Variants in PLXNA3 observed in about 807,000 individuals in gnomAD.
The protein encoded by PLXNA3 is plexin A3, also known as plexin-A3.
In PLXNA3, 52 loss-of-function variants were observed where a neutral mutation model predicts 118.8. That is an observed-to-expected ratio of 0.44 (90% CI 0.35 to 0.55). PLXNA3 has a LOEUF of 0.55. Ranked by LOEUF, PLXNA3 falls within the 20% of genes least tolerant of loss-of-function variation. PLXNA3 has a pLI of 0.01. For synonymous variants in PLXNA3, 925 were observed against 762.4 expected (o/e 1.21, Z -3.51); for missense variants, 1,660 against 1,730.8 (o/e 0.96, Z 0.73).
At position 154,461,460 on chromosome X, in the gene PLXNA3, C is replaced by T. The variant is rs1485723054; in HGVS notation, c.956C>T (p.Thr319Ile). 1.2e-5 allele frequency: 14 copies of T among 1,210,796 alleles called. No individual in the cohort carries two copies. The highest frequency in any genetic ancestry group is 1.5e-5 in the Non-Finnish European group (13 of 895,168). ...CCGGCTGATGAGGACGTCCTCTTCA[C>T]CATCTTCTCTCAGGGCCAGAAGAAC... ...GVPADEDVLF[T>I]IFSQGQKNRA... is the part of the protein sequence containing the mutation. Residue 319 changes from threonine to isoleucine, a missense_variant, in exon 3 of 33, where the codon ACC (threonine) becomes ATC (isoleucine). By Grantham distance (89) the Thr-to-Ile change is moderately conservative. Around this residue, in one of 2 missense-constraint regions of PLXNA3, gnomAD observed 791 missense variants for 652.1 expected, o/e 1.21. Coordinates refer to ENST00000369682, the MANE Select transcript of PLXNA3 (RefSeq NM_017514.5).
Position 154,468,928 on chromosome X carries a change from G to T in PLXNA3, c.4393G>T (p.Glu1465Ter). The change falls in exon 25 of 33, where the codon GAG (glutamate) becomes TAG (stop). Residue 1465 changes from glutamate to a stop codon, truncating the protein, a stop_gained. Transcript: ENST00000369682. LOFTEE classifies it high-confidence loss of function. ...GGGCGAGGCACGATACTCCCTGAGCGAGGACAAGCTCATCCGTCAGCAGAT... is the reference window on the plus strand; with the variant it reads ...GGGCGAGGCACGATACTCCCTGAGCTAGGACAAGCTCATCCGTCAGCAGAT... Reference protein sequence around the residue: ...ITGEARYSLSEDKLIRQQIDY... With the variant: ...ITGEARYSLS 1 of 1,211,966 alleles carries T rather than the reference G, an allele frequency of 8.3e-7. No individual in the cohort carries two copies. Among genetic ancestry groups the T allele is most frequent in the Non-Finnish European group, 1.1e-6 (1 of 895,632 alleles).
chrX:154,463,833 C>T (rs995993331), intron 6 of PLXNA3, 118 bp from the exon 7 acceptor site: 114 of 1,015,633 alleles, frequency 1.1e-4, no homozygotes, highest in Non-Finnish European at 1.3e-4. Flanking sequence ...CCCCGAGTGA[C>T]GTCCCTCGGG....
chrX:154,467,376 C>T lies in PLXNA3; in HGVS notation c.3346C>T (p.Arg1116Cys), dbSNP rs781921290. Residue 1116 changes from arginine to cysteine, a missense_variant, in exon 19 of 33, where the codon CGC becomes TGC. By Grantham distance (180) the Arg-to-Cys change is radical. Around this residue, in one of 2 missense-constraint regions of PLXNA3, gnomAD observed 869 missense variants for 1,078.7 expected, o/e 0.81. Coordinates refer to ENST00000369682, the MANE Select transcript of PLXNA3 (RefSeq NM_017514.5). ...CGTGCAAACGGCCCGCTCCCTCAAC[C>T]GCTCCTCCTTTACCTACTACCCTGA... ...DHVQTARSLN[R>C]SSFTYYPDPS... 49 of 1,202,410 alleles carry T rather than the reference C, an allele frequency of 4.1e-5. No homozygotes were observed. The highest frequency in any genetic ancestry group is 5.3e-5 in the Non-Finnish European group (47 of 895,023).
Position 154,476,925 on chromosome X carries a change from A to G in PLXNA3, c.*4240A>G, listed in dbSNP as rs1018961634. 8.9e-6 allele frequency: 1 copy of G among 111,858 alleles called. No individual in the cohort carries two copies. The highest frequency in any genetic ancestry group is 1.9e-5 in the Non-Finnish European group (1 of 53,157). 9.2% of individuals were successfully genotyped at this position (111,858 alleles called of 1,213,427 possible). A position where few individuals can be genotyped will look rare whatever the true frequency, so the allele number is the denominator to read the frequency against. On this transcript the variant is annotated 3_prime_UTR_variant, in exon 33 of 33. Transcript: ENST00000369682. ...GCTGGAGTTTGCAGGGCGGAGAACC[A>G]GAGAGAAGAGAGCTGCACAGGGAAA...
chrX:154,466,705 C>A lies in PLXNA3; in HGVS notation c.3019C>A (p.Arg1007=). The change falls in exon 17 of 33, where the codon CGG becomes AGG. Residue 1007 remains arginine, a synonymous_variant. Coordinates refer to ENST00000369682, the MANE Select transcript of PLXNA3 (RefSeq NM_017514.5). ...GGCCCCCATCACACTTGCCATTGAC[C>A]GGGCTAACATCTCCAGCCCCGGGCT... ...SQAPITLAID[R]ANISSPGLIY... 8.3e-7 allele frequency: 1 copy of A among 1,198,830 alleles called. No homozygotes were observed. The highest frequency in any genetic ancestry group is 1.1e-6 in the Non-Finnish European group (1 of 888,715).
rs368835540 is a variant in PLXNA3, at chrX:154,469,265, C to T, written c.4594+50C>T. 6.4e-5 allele frequency: 75 copies of T among 1,173,237 alleles called. No homozygotes were observed. In the Middle Eastern group the frequency reaches 7.1e-4, roughly 11 times the overall value. On this transcript the variant is annotated intron_variant, in intron 26 of 32. Transcript: ENST00000369682. ...GGCTCCCACTCATACCCTCCTGTGC[C>T]GTGTGACCTCCGTGGGCTCTCCCGC...
chrX:154,469,339 G>A, intron 26 of PLXNA3, 40 bp from the exon 27 acceptor site: 1 of 1,170,395 alleles, frequency 8.5e-7, no homozygotes, highest in Non-Finnish European at 1.2e-6. Context: ...GGCACTTGGG[G>A]GCTGCCAGCA....
chrX:154,472,151 G>T (rs1355529521), intron 32 of PLXNA3, among the ~76,000 whole-genome samples: 2 of 111,261 alleles, frequency 1.8e-5, no homozygotes, highest in African/African-American at 6.6e-5. Flanking sequence ...GCGCCTGGTG[G>T]GGTCTGGCAA....
Position 154,466,104 on chromosome X carries a change from C to A in PLXNA3, c.2678+24C>A, listed in dbSNP as rs369298396. ...AGGTGAGTGCGGCTCTGTGGGTGCCCGGGCCGTATGTGGCCTGGCCGGCCC... is the reference window on the plus strand; with the variant it reads ...AGGTGAGTGCGGCTCTGTGGGTGCCAGGGCCGTATGTGGCCTGGCCGGCCC... On this transcript the variant is annotated intron_variant, in intron 14 of 32. Coordinates refer to ENST00000369682, the MANE Select transcript of PLXNA3 (RefSeq NM_017514.5). 108 of 1,207,905 alleles carry A rather than the reference C, an allele frequency of 8.9e-5. No individual in the cohort carries two copies. In the African/African-American group the frequency reaches 1.9e-3, roughly 21 times the overall value.
Position 154,469,385 on chromosome X carries a change from G to T in PLXNA3, c.4601G>T (p.Arg1534Leu). 3 of 1,207,507 alleles carry T rather than the reference G, an allele frequency of 2.5e-6. No individual in the cohort carries two copies. The highest frequency in any genetic ancestry group is 3.0e-5 in the East Asian group (1 of 33,842). ...GGCTGTCTGTGGCCCACAGAGTGGC[G>T]CCAGGGCCGCATGACTCGCATCATC... ...PKAEDMDLEW[R>L]QGRMTRIILQ... The change falls in exon 27 of 33, where the codon CGC becomes CTC. Residue 1534 changes from arginine to leucine, a missense_variant. By Grantham distance (102) the Arg-to-Leu change is moderately radical (BLOSUM62 -2). Transcript: ENST00000369682.
At position 154,460,563 on chromosome X, in the gene PLXNA3, A is replaced by T. The variant is rs782328308; in HGVS notation, c.380A>T (p.Asp127Val). 8.3e-7 allele frequency: 1 copy of T among 1,207,474 alleles called. No homozygotes were observed. Among genetic ancestry groups the T allele is most frequent in the East Asian group, 3.0e-5 (1 of 33,733 alleles). The change falls in exon 2 of 33, where the codon GAC becomes GTC. Residue 127 changes from aspartate (D) to valine (V), a missense_variant. Asp to Val is a radical substitution (Grantham distance 152, BLOSUM62 -3). Transcript: ENST00000369682. ...QGICQFLRLD[D>V]LFKLGEPHHR... ...ATCTGCCAGTTCCTGCGTCTGGACGACCTCTTCAAGCTGGGTGAGCCGCAC... is the reference window on the plus strand; with the variant it reads ...ATCTGCCAGTTCCTGCGTCTGGACGTCCTCTTCAAGCTGGGTGAGCCGCAC...
rs1457093377 is a variant in PLXNA3, at chrX:154,471,195, G to T, written c.5247G>T (p.Ser1749=). 1.7e-6 allele frequency: 2 copies of T among 1,210,964 alleles called. No individual in the cohort carries two copies. Among genetic ancestry groups the T allele is most frequent in the Non-Finnish European group, 2.2e-6 (2 of 894,583 alleles). ...ACAGCATCACGGATGCCTGCCTGTC[G>T]GTGGTAGCCCAGACCTTCATGGACT... is the stretch of plus-strand genomic sequence containing the variant. ...HKNSITDACL[S]VVAQTFMDSC... is the part of the protein sequence containing the mutation. Residue 1749 remains serine, a synonymous_variant, in exon 31 of 33, where the codon TCG becomes TCT. Coordinates refer to ENST00000369682, the MANE Select transcript of PLXNA3 (RefSeq NM_017514.5).
At chrX:154,471,349 G>T (rs373228368) in intron 31 of PLXNA3, 32 bp downstream of exon 31, 33 of 1,177,143 alleles carry the variant, frequency 2.8e-5, no homozygotes, top group Non-Finnish European at 3.4e-6. Flanking sequence ...GTGGCAGAGG[G>T]CAGGACCTGC....
rs1451333020 is a variant in PLXNA3, at chrX:154,464,236, C to T, written c.1751C>T (p.Ala584Val). The T allele has an allele frequency of 4.1e-6, 5 of 1,206,898 alleles. No homozygotes were observed. The African/African-American group carries it at 7.0e-5, about 17-fold the overall frequency. Reference sequence around the variant, plus strand: ...TTCGAGGCGGCGGCGGAGAACGAGGCGGTCCTGCTGCCCTCCGGTGAACTG... The same window carrying T: ...TTCGAGGCGGCGGCGGAGAACGAGGTGGTCCTGCTGCCCTCCGGTGAACTG... ...CAFEAAAENEAVLLPSGELLC... is the reference protein window; with the variant it reads ...CAFEAAAENEVVLLPSGELLC... The change falls in exon 8 of 33, where the codon GCG (alanine) becomes GTG (valine). Residue 584 changes from alanine (A) to valine (V), a missense_variant. By Grantham distance (64) the Ala-to-Val change is moderately conservative (BLOSUM62 0). This residue lies in a region of PLXNA3 where 791 missense variants were observed against 652.1 expected (regional missense o/e 1.21). Coordinates refer to ENST00000369682, the MANE Select transcript of PLXNA3 (RefSeq NM_017514.5).
Position 154,472,597 on chromosome X carries a change from C to T in PLXNA3, c.5528C>T (p.Thr1843Met), listed in dbSNP as rs782174023. 11 of 1,200,947 alleles carry T rather than the reference C, an allele frequency of 9.2e-6. No homozygotes were observed. The highest frequency in any genetic ancestry group is 3.0e-5 in the East Asian group (1 of 33,711). Residue 1843 changes from threonine to methionine, a missense_variant, in exon 33 of 33, where the codon ACG (threonine) becomes ATG (methionine). Coordinates refer to ENST00000369682, the MANE Select transcript of PLXNA3 (RefSeq NM_017514.5). ...GGGACTCCTCTCCCCCAGATTCTCA[C>T]GGCTCTGGACCGAGATGCCTCTTGT... ...YVTKYRQEILTALDRDASCRK... is the reference protein window; with the variant it reads ...YVTKYRQEILMALDRDASCRK...
Position 154,469,057 on chromosome X carries a change from C to G in PLXNA3, c.4436C>G (p.Thr1479Ser), listed in dbSNP as rs920376093. Residue 1479 changes from threonine to serine, a missense_variant and splice_region_variant, in exon 26 of 33, where the codon ACC (threonine) becomes AGC (serine). Physicochemically the swap from Thr to Ser is moderately conservative, Grantham distance 58. Coordinates refer to ENST00000369682, the MANE Select transcript of PLXNA3 (RefSeq NM_017514.5). ...CACTGGAGTCCGCTTTCCCCTCAGA[C>G]CCTTCACTGCGTGTGTCCGGAGAAC... is the stretch of plus-strand genomic sequence containing the variant. ...IRQQIDYKTL[T>S]LHCVCPENEG... 8 of 1,211,300 alleles carry G rather than the reference C, an allele frequency of 6.6e-6. No homozygotes were observed. Among genetic ancestry groups the G allele is most frequent in the Non-Finnish European group, 8.9e-6 (8 of 895,413 alleles).
At position 154,472,756 on chromosome X, in the gene PLXNA3, CA is replaced by C; in HGVS notation, c.*73del. ...CTCCCATCCAGGGGAGTGGCTGGCT[CA>C]AGCCTGGGTCCCCGGGCTGAGCCCT... is the stretch of plus-strand genomic sequence containing the variant. On this transcript the variant is annotated 3_prime_UTR_variant, in exon 33 of 33. Coordinates refer to ENST00000369682, the MANE Select transcript of PLXNA3 (RefSeq NM_017514.5). 1 of 813,826 alleles carries C rather than the reference CA, an allele frequency of 1.2e-6. No homozygotes were observed. Among genetic ancestry groups the C allele is most frequent in the Non-Finnish European group, 1.9e-6 (1 of 537,390 alleles). 67.1% of individuals were successfully genotyped at this position (813,826 alleles called of 1,213,427 possible). A position where few individuals can be genotyped will look rare whatever the true frequency, so the allele number is the denominator to read the frequency against.
chrX:154,465,347 AG>A, intron 11 of PLXNA3, 76 bp from the exon 12 acceptor site: 2 of 1,032,147 alleles, frequency 1.9e-6, no homozygotes, highest in Non-Finnish European at 2.7e-6. Flanking sequence ...TACCTGGAGG[AG>A]GGGGGCAGCT....
rs144427846 is a variant in PLXNA3, at chrX:154,460,278, C to T, written c.95C>T (p.Thr32Met). The change falls in exon 2 of 33, where the codon ACG becomes ATG. Residue 32 changes from threonine (T) to methionine (M), a missense_variant. Around this residue, in one of 2 missense-constraint regions of PLXNA3, gnomAD observed 791 missense variants for 652.1 expected, o/e 1.21. Transcript: ENST00000369682. ...PFRAFVVTDT[T>M]LTHLAVHRVT... Reference sequence around the variant, plus strand: ...CGTGCCTTCGTGGTGACAGACACCACGCTTACCCACCTGGCTGTGCACCGG... The same window carrying T: ...CGTGCCTTCGTGGTGACAGACACCATGCTTACCCACCTGGCTGTGCACCGG... 63 of 1,207,433 alleles carry T rather than the reference C, an allele frequency of 5.2e-5. No individual in the cohort carries two copies. In the East Asian group the frequency reaches 6.2e-4, roughly 12 times the overall value.
Sources: gnomAD v4.1 joint callset for allele counts (sites outside exome capture counted in the v4.1 genomes callset) on GRCh38, gnomAD v4.1.1 for gene constraint, gnomAD v4.1.1 regional missense constraint, MANE v1.5 for transcripts, NCBI Gene and HGNC (gene_info 2026-07-23, HGNC 2026-07-21) for gene names.